GUCD1: variants seen among roughly 807,000 people sequenced by gnomAD.
GUCD1 encodes guanylyl cyclase domain containing 1, also known as protein GUCD1.
Under a neutral mutation model 28.3 loss-of-function variants are expected in GUCD1, and 17 were observed. The observed-to-expected ratio is 0.60, with a 90% CI of 0.41 to 0.90. The LOEUF (loss-of-function observed/expected upper bound fraction) is 0.90, where lower values mean the gene tolerates loss of function less well. Among genes scored for constraint, GUCD1 ranks in the 40% least tolerant of loss-of-function variants. The pLI is 0.00. For missense variants in GUCD1, 279 were observed against 305.5 expected, an observed-to-expected ratio of 0.91 and a Z score of 0.65; for synonymous variants, 129 against 123.3, an observed-to-expected ratio of 1.05 and a Z score of -0.30.
chr22:24,546,194 C>T (rs2044723232), intron 4 of GUCD1, among the ~76,000 whole-genome samples: 1 of 152,014 alleles, frequency 6.6e-6, no homozygotes. Context: ...ATCTCCTGAC[C>T]TCGTGATCCG....
chr22:24,555,128 A>AGGC lies in GUCD1; in HGVS notation c.-140_-138dup, dbSNP rs1184589451. 5.5e-5 allele frequency: 72 copies of AGGC among 1,302,848 alleles called. No individual in the cohort carries two copies. In the Middle Eastern group the frequency reaches 8.8e-4, roughly 16 times the overall value. 80.7% of individuals were successfully genotyped at this position (1,302,848 alleles called of 1,614,324 possible). A position where few individuals can be genotyped will look rare whatever the true frequency, so the allele number is the denominator to read the frequency against. On this transcript the variant is annotated 5_prime_UTR_variant, in exon 1 of 6. Coordinates refer to ENST00000435822, the MANE Select transcript of GUCD1 (RefSeq NM_001284254.2). ...CCGCCGCTGCGGAGGAGAGAACGGG[A>AGGC]GGCGGCGGCTGGGCCGCCCCAAGCG...
At chr22:24,552,306 A>G (rs1005020860) in intron 1 of GUCD1, among the ~76,000 whole-genome samples, 35 of 152,358 alleles carry the variant, frequency 2.3e-4, no homozygotes, top group African/African-American at 8.4e-4. Context: ...CCAAAAAAGA[A>G]AAAAAGAAAT....
In GUCD1 at chr22:24,542,747, G is replaced by C; in HGVS notation, c.*259C>G. ...CGGGACTGGACTTCCTGTGGGCGCA[G>C]CTGGAGTCAAGGCTTGGGGTCTTGG... On this transcript the variant is annotated 3_prime_UTR_variant, in exon 6 of 6. Transcript: ENST00000435822. 1 of 449,022 alleles carries C rather than the reference G, an allele frequency of 2.2e-6. No homozygotes were observed. The highest frequency in any genetic ancestry group is 3.5e-5 in the Admixed American group (1 of 28,872). The allele number at this position is 449,022 out of a possible 1,614,324, so 27.8% of individuals were successfully genotyped here.
chr22:24,550,378 G>GTA (rs1322361595), intron 1 of GUCD1, among the ~76,000 whole-genome samples: 1 of 152,222 alleles, frequency 6.6e-6, no homozygotes. Context: ...GTGCCTTAGA[G>GTA]GGGATGGGGG....
upstream of GUCD1, chr22:24,555,838 C>T: frequency 6.5e-7 from 1 of 1,543,112 alleles, no homozygotes; most frequent in East Asian, 2.4e-5. Context: ...GCCCTCTTTT[C>T]CGGTGCCGGA....
In GUCD1 at chr22:24,542,958, T is replaced by C. The variant is rs780232658; in HGVS notation, c.*48A>G. ...CCAGGGCATCCTGAGCGGGCCCGGC[T>C]GGGGTGGGGATGGGGTCCGAGGGCC... On this transcript the variant is annotated 3_prime_UTR_variant, in exon 6 of 6. Transcript: ENST00000435822. 7.2e-7 allele frequency: 1 copy of C among 1,398,142 alleles called. No homozygotes were observed. Among genetic ancestry groups the C allele is most frequent in the Non-Finnish European group, 1.0e-6 (1 of 984,238 alleles). 86.6% of individuals were successfully genotyped at this position (1,398,142 alleles called of 1,614,324 possible).
At chr22:24,543,634 G>A (rs1375538937) in intron 5 of GUCD1, among the ~76,000 whole-genome samples, 2 of 152,036 alleles carry the variant, frequency 1.3e-5, no homozygotes, top group Admixed American at 6.5e-5. Context: ...GGGTGTAGAG[G>A]AGGCTGGCAC....
chr22:24,555,499 C>A (rs148767236), upstream of GUCD1: 25 of 1,270,566 alleles, frequency 2.0e-5, no homozygotes, highest in Admixed American at 1.9e-4. Context: ...ATCCCCGAGG[C>A]CCCAAGCAAC....
rs761083336 is a variant in GUCD1, at chr22:24,540,650, T to G, written c.*2356A>C. The stretch of plus-strand genomic sequence containing the variant: ...GTGCTGTGGGCAAAAGTCCCTGATG[T>G]CCAGGCTCTCTGGCTCCATTTTCAT... On this transcript the variant is annotated 3_prime_UTR_variant, in exon 6 of 6. Coordinates refer to ENST00000435822, the MANE Select transcript of GUCD1 (RefSeq NM_001284254.2). 6.6e-6 allele frequency: 1 copy of G among 152,230 alleles called. No individual in the cohort carries two copies. Among genetic ancestry groups the G allele is most frequent in the Non-Finnish European group, 1.5e-5 (1 of 68,076 alleles). The allele number at this position is 152,230 out of a possible 1,614,324, so 9.4% of individuals were successfully genotyped here. A position where few individuals can be genotyped will look rare whatever the true frequency, so the allele number is the denominator to read the frequency against.
At chr22:24,545,203 C>A (rs1009351930) in intron 4 of GUCD1, among the ~76,000 whole-genome samples, 4 of 152,124 alleles carry the variant, frequency 2.6e-5, no homozygotes, top group Non-Finnish European at 5.9e-5. Context: ...CCAGCTTCAG[C>A]CACAGCTGAG....
chr22:24,554,598 T>A (rs1482812806), intron 1 of GUCD1, among the ~76,000 whole-genome samples: 1 of 152,116 alleles, frequency 6.6e-6, no homozygotes, highest in Admixed American at 6.5e-5. Flanking sequence ...AAACGCCGAG[T>A]CTCGGAGGCC....
intron 4 of GUCD1, among the ~76,000 whole-genome samples, chr22:24,545,826 C>T (rs2044711156): frequency 6.6e-6 from 1 of 151,916 alleles, no homozygotes; most frequent in Non-Finnish European, 1.5e-5. Context: ...CTCCTAACCT[C>T]GTGATCCGCC....
At chr22:24,551,340 G>A (rs938947828) in intron 1 of GUCD1, among the ~76,000 whole-genome samples, 3 of 152,134 alleles carry the variant, frequency 2.0e-5, no homozygotes, top group African/African-American at 7.2e-5. Flanking sequence ...CAGTGGCACT[G>A]ACCCCTGCCT....
At chr22:24,555,434 G>A, upstream of GUCD1, 4 of 1,149,648 alleles carry the variant, frequency 3.5e-6, no homozygotes, top group Non-Finnish European at 4.8e-6. Flanking sequence ...CCCCGCCTCT[G>A]CCGGGTCCCG....
At chr22:24,555,360 C>A (rs2045027079), upstream of GUCD1, 1 of 1,357,526 alleles carries the variant, frequency 7.4e-7, no homozygotes, top group Non-Finnish European at 9.6e-7. Context: ...AGCCCCGCCC[C>A]TTTCTTTGAG....
At position 24,548,032 on chromosome 22, in the gene GUCD1, A is replaced by C; in HGVS notation, c.170T>G (p.Leu57Arg). Residue 57 changes from leucine (L) to arginine (R), a missense_variant, in exon 3 of 6, where the codon CTG becomes CGG. Coordinates refer to ENST00000435822, the MANE Select transcript of GUCD1 (RefSeq NM_001284254.2). ...GCTCCTGGTCAGCTGCAGCTTCTGC[A>C]GGGCTCTCTCAAACTCACTGTCGTC... The part of the protein sequence containing the change: ...QLDDSEFERA[L>R]QKLQLTRSIW... 6.2e-7 allele frequency: 1 copy of C among 1,614,140 alleles called. No homozygotes were observed. Among genetic ancestry groups the C allele is most frequent in the Non-Finnish European group, 8.5e-7 (1 of 1,180,012 alleles).
intron 1 of GUCD1, among the ~76,000 whole-genome samples, chr22:24,553,184 C>T (rs2044929016): frequency 1.3e-5 from 2 of 152,226 alleles, no homozygotes; most frequent in African/African-American, 4.8e-5. Context: ...CATACTGTTT[C>T]CTCCCCAGCT....
At position 24,555,081 on chromosome 22, in the gene GUCD1, T is replaced by A; in HGVS notation, c.-90A>T. ...GGGGCGGGAGGGCGGTCGGTGCGTG[T>A]CGAGTTCCTTCTCCGCCACCGCCGC... On this transcript the variant is annotated 5_prime_UTR_variant, in exon 1 of 6. Transcript: ENST00000435822. The A allele has an allele frequency of 7.6e-7, 1 of 1,321,494 alleles. No individual in the cohort carries two copies. The highest frequency in any genetic ancestry group is 1.5e-5 in the African/African-American group (1 of 65,032). The allele number at this position is 1,321,494 out of a possible 1,614,324, so 81.9% of individuals were successfully genotyped here. A position where few individuals can be genotyped will look rare whatever the true frequency, so the allele number is the denominator to read the frequency against.
chr22:24,551,583 C>T (rs1436553933), intron 1 of GUCD1, among the ~76,000 whole-genome samples: 1 of 152,228 alleles, frequency 6.6e-6, no homozygotes, highest in African/African-American at 2.4e-5. Flanking sequence ...GAGGATCCCT[C>T]TGTCTGAAAC....
Sources: allele counts gnomAD v4.1 joint callset (sites outside exome capture counted in the v4.1 genomes callset), GRCh38; gene constraint gnomAD v4.1.1; transcripts MANE v1.5; gene names NCBI Gene and HGNC (gene_info 2026-07-23, HGNC 2026-07-21).